The following RHOBTB1 variants were observed in gnomAD, a reference collection of about 807,000 sequenced individuals.
RHOBTB1 encodes the protein rho-related BTB domain-containing protein 1.
RHOBTB1 carries 40 observed loss-of-function variants against 71.6 expected under a neutral mutation model. The ratio of observed to expected loss-of-function variants is 0.56; its 90% CI spans 0.43 to 0.73. The LOEUF (loss-of-function observed/expected upper bound fraction) is 0.73, where lower values mean the gene tolerates loss of function less well. Ranked by LOEUF, RHOBTB1 falls within the 30% of genes least tolerant of loss-of-function variation. The pLI, the probability that RHOBTB1 is intolerant of heterozygous loss-of-function variation, is 0.00. For synonymous variants in RHOBTB1, 319 were observed against 334.9 expected, an observed-to-expected ratio of 0.95 and a Z score of 0.52; for missense variants, 797 against 894.0, an observed-to-expected ratio of 0.89 and a Z score of 1.38.
At chr10:60,862,166 C>T in the RHOBTB1 span, among the ~76,000 whole-genome samples, 3 of 150,416 alleles carry the variant, frequency 2.0e-5, no homozygotes, top group Non-Finnish European at 3.0e-5. Flanking sequence ...TTTCCTCTCT[C>T]TCTTTCTTTC....
downstream of RHOBTB1, among the ~76,000 whole-genome samples, chr10:60,866,942 C>G (rs986317415): frequency 1.3e-5 from 2 of 152,132 alleles, no homozygotes; most frequent in African/African-American, 4.8e-5. Context: ...ATTGTCTTCT[C>G]TCTTGGATTT....
At chr10:60,914,935 C>T (rs1267859979) in intron 2 of RHOBTB1, among the ~76,000 whole-genome samples, 1 of 152,170 alleles carries the variant, frequency 6.6e-6, no homozygotes, top group Non-Finnish European at 1.5e-5. Context: ...AAATAAAAGG[C>T]AGGGCAGAGT....
chr10:60,896,732 G>T (rs573658483), intron 4 of RHOBTB1, among the ~76,000 whole-genome samples: 2 of 152,244 alleles, frequency 1.3e-5, no homozygotes, highest in East Asian at 3.9e-4. Flanking sequence ...TTTCTAAGGA[G>T]AAAATATCAA....
chr10:60,978,385 T>C (rs948071707), intron 2 of RHOBTB1, among the ~76,000 whole-genome samples: 1 of 152,178 alleles, frequency 6.6e-6, no homozygotes, highest in Non-Finnish European at 1.5e-5. Flanking sequence ...ATAGACATAG[T>C]AGTTACAAAG....
intron 1 of RHOBTB1, among the ~76,000 whole-genome samples, chr10:60,989,599 A>G (rs1390799137): frequency 6.6e-6 from 1 of 152,234 alleles, no homozygotes; most frequent in African/African-American, 2.4e-5. Flanking sequence ...GTGACAGCTC[A>G]CAGCAGTTCA....
intron 1 of RHOBTB1, among the ~76,000 whole-genome samples, chr10:61,000,527 T>TAG (rs1327363403): frequency 6.6e-6 from 1 of 152,152 alleles, no homozygotes; most frequent in Non-Finnish European, 1.5e-5. Flanking sequence ...ACGGTAAACT[T>TAG]AGTTTCGAAT....
intron 2 of RHOBTB1, among the ~76,000 whole-genome samples, chr10:60,969,948 C>G (rs931548567): frequency 5.3e-5 from 8 of 152,052 alleles, no homozygotes; most frequent in Non-Finnish European, 1.2e-4. Context: ...AAACATCAAC[C>G]CATTTCAGTT....
upstream of RHOBTB1, among the ~76,000 whole-genome samples, chr10:60,947,781 C>A (rs2085286010): frequency 6.6e-6 from 1 of 152,154 alleles, no homozygotes; most frequent in African/African-American, 2.4e-5. Context: ...TTATGAAAAA[C>A]ACTTCCGTAA....
intron 2 of RHOBTB1, among the ~76,000 whole-genome samples, chr10:60,938,572 C>CCTTA (rs2084727588): frequency 6.6e-6 from 1 of 152,122 alleles, no homozygotes; most frequent in Admixed American, 6.6e-5. Context: ...TTAAAATGAC[C>CCTTA]TAAGCAGTTA....
At chr10:60,960,833 T>A (rs2085753951) in intron 2 of RHOBTB1, among the ~76,000 whole-genome samples, 1 of 152,206 alleles carries the variant, frequency 6.6e-6, no homozygotes, top group Non-Finnish European at 1.5e-5. Context: ...CTAATATCCA[T>A]GAGCTTGTTA....
intron 2 of RHOBTB1, among the ~76,000 whole-genome samples, chr10:60,938,634 T>G (rs1033173173): frequency 2.6e-5 from 4 of 152,140 alleles, no homozygotes; most frequent in African/African-American, 9.7e-5. Flanking sequence ...AATACAAAAT[T>G]TACAAAGTAG....
intron 2 of RHOBTB1, among the ~76,000 whole-genome samples, chr10:60,952,279 A>T (rs1160008690): frequency 6.6e-6 from 1 of 152,148 alleles, no homozygotes; most frequent in Non-Finnish European, 1.5e-5. Context: ...TTGAGATCAT[A>T]AAAAAATGTT....
chr10:60,892,818 C>T lies in RHOBTB1; in HGVS notation c.474G>A (p.Pro158=), dbSNP rs147434029. The T allele has an allele frequency of 1.1e-4, 185 of 1,611,846 alleles. No homozygotes were observed. Among genetic ancestry groups the T allele is most frequent in the Admixed American group, 1.8e-4 (11 of 59,666 alleles). The change falls in exon 5 of 11, where the codon CCG becomes CCA. Residue 158 remains proline, a synonymous_variant. Coordinates refer to ENST00000337910, the MANE Select transcript of RHOBTB1 (RefSeq NM_014836.5). ...DLEAVNRARR[P]LARPIKRGDI... The stretch of plus-strand genomic sequence containing the variant: ...TGAGTCCCTTGGCTTACCTTGCTAA[C>T]GGGCGCCTGGCTCGATTAACAGCTT...
At chr10:60,913,297 A>G (rs4485055) in intron 2 of RHOBTB1, among the ~76,000 whole-genome samples, 40,402 of 152,026 alleles carry the variant, frequency 0.27, 7,461 homozygotes, top group African/African-American at 0.53. Flanking sequence ...AGGAACAGAT[A>G]TGTGCTTAGG....
chr10:60,896,492 C>CA (rs2082166784), intron 4 of RHOBTB1, among the ~76,000 whole-genome samples: 1 of 152,138 alleles, frequency 6.6e-6, no homozygotes, highest in African/African-American at 2.4e-5. Flanking sequence ...AATGCAGAGG[C>CA]AGAGTACAGG....
intron 2 of RHOBTB1, among the ~76,000 whole-genome samples, chr10:60,926,628 A>G (rs549155578): frequency 2.8e-4 from 43 of 152,370 alleles, no homozygotes; most frequent in Non-Finnish European, 5.7e-4. Context: ...AAGGAAAAAA[A>G]CAATATGATC....
At chr10:60,887,099 T>C (rs2081624264) in intron 6 of RHOBTB1, among the ~76,000 whole-genome samples, 1 of 151,780 alleles carries the variant, frequency 6.6e-6, no homozygotes, top group South Asian at 2.1e-4. Context: ...CAGAATCCAA[T>C]TGAGACTCCC....
Position 60,888,347 on chromosome 10 carries a change from C to T in RHOBTB1, c.1321G>A (p.Glu441Lys), listed in dbSNP as rs770106523. 9.3e-6 allele frequency: 15 copies of T among 1,614,024 alleles called. No homozygotes were observed. The highest frequency in any genetic ancestry group is 1.1e-5 in the South Asian group (1 of 91,084). Reference sequence around the variant, plus strand: ...ACCATCATCCTCAAATCGAACATCTCGAGGACCTCTGCGATCTGAGCCAGG... The same window carrying T: ...ACCATCATCCTCAAATCGAACATCTTGAGGACCTCTGCGATCTGAGCCAGG... ...VGLAQIAEVL[E>K]MFDLRMMVEN... Residue 441 changes from glutamate (E) to lysine (K), a missense_variant, in exon 6 of 11, where the codon GAG (glutamate) becomes AAG (lysine). By Grantham distance (56) the Glu-to-Lys change is moderately conservative. This residue lies in a region of RHOBTB1 where 658 missense variants were observed against 681.5 expected (regional missense o/e 0.97). Transcript: ENST00000337910.
rs772951902 is a variant in RHOBTB1, at chr10:60,878,279, G to A, written c.1576-221C>T. ...GTGGAGCTGCCTGACACAGCCTGAT[G>A]TGGAATTTTTAAATGACTATTTGGA... is the stretch of plus-strand genomic sequence containing the variant. On this transcript the variant is annotated intron_variant, in intron 7 of 10. Coordinates refer to ENST00000337910, the MANE Select transcript of RHOBTB1 (RefSeq NM_014836.5). Among the ~76,000 whole-genome samples, 166 of 152,208 alleles carry A rather than the reference G, an allele frequency of 1.1e-3. 1 individual carries two copies. Among genetic ancestry groups the A allele is most frequent in the Non-Finnish European group, 2.4e-4 (16 of 68,044 alleles).
Sources: gnomAD v4.1 joint callset for allele counts (sites outside exome capture counted in the v4.1 genomes callset) on GRCh38, gnomAD v4.1.1 for gene constraint, gnomAD v4.1.1 regional missense constraint, MANE v1.5 for transcripts, NCBI Gene and HGNC (gene_info 2026-07-23, HGNC 2026-07-21) for gene names.